Variants in SDC3 observed in about 807,000 individuals in gnomAD.
SDC3 encodes syndecan 3, also known as syndecan-3.
A neutral mutation model predicts 24.4 loss-of-function variants in SDC3; 13 were observed. The observed-to-expected ratio is 0.53, with a 90% CI of 0.35 to 0.85. The LOEUF (loss-of-function observed/expected upper bound fraction) is 0.85, where lower values mean the gene tolerates loss of function less well. Among genes scored for constraint, SDC3 ranks in the 40% least tolerant of loss-of-function variants. SDC3 has a pLI of 0.01. For synonymous variants in SDC3, 295 were observed against 260.9 expected (o/e 1.13, Z -1.26); for missense variants, 571 against 584.5 (o/e 0.98, Z 0.24).
chr1:30,890,778 G>A (rs1014315095), intron 1 of SDC3, among the ~76,000 whole-genome samples: 2 of 152,166 alleles, frequency 1.3e-5, no homozygotes, highest in African/African-American at 4.8e-5. Flanking sequence ...TCCTTATCCT[G>A]ACAACACGCT....
rs1639535670 is a variant in SDC3 at position 30,871,511 on chromosome 1, G to C, written c.*1700C>G. On this transcript the variant is annotated 3_prime_UTR_variant, in exon 5 of 5. Coordinates refer to ENST00000339394, the MANE Select transcript of SDC3 (RefSeq NM_014654.4). Reference sequence around the variant, plus strand: ...TCATCCCTCAAACCCTGACCTCGGGGCCTGAGGGATCTGCAGGGGCTGCTT... The same window carrying C: ...TCATCCCTCAAACCCTGACCTCGGGCCCTGAGGGATCTGCAGGGGCTGCTT... 2.6e-5 allele frequency: 4 copies of C among 152,304 alleles called. No individual in the cohort carries two copies. In the South Asian group the frequency reaches 8.3e-4, roughly 32 times the overall value. The allele number at this position is 152,304 out of a possible 1,614,324, so 9.4% of individuals were successfully genotyped here.
rs1553136793 is a variant in SDC3, at chr1:30,871,853, T to TAGAGGAGCCCCCAGG, written c.*1343_*1357dup. ...GGGGCCAAATTTCCTTCCTCAGCCT[T>TAGAGGAGCCCCCAGG]AGAGGAGCCCCCAGGCTCCCAGCTA... is the stretch of plus-strand genomic sequence containing the variant. On this transcript the variant is annotated 3_prime_UTR_variant, in exon 5 of 5. Coordinates refer to ENST00000339394, the MANE Select transcript of SDC3 (RefSeq NM_014654.4). 2.6e-5 allele frequency: 4 copies of TAGAGGAGCCCCCAGG among 152,230 alleles called. No individual in the cohort carries two copies. Among genetic ancestry groups the TAGAGGAGCCCCCAGG allele is most frequent in the Admixed American group, 1.3e-4 (2 of 15,284 alleles). The allele number at this position is 152,230 out of a possible 1,614,324, so 9.4% of individuals were successfully genotyped here. A position where few individuals can be genotyped will look rare whatever the true frequency, so the allele number is the denominator to read the frequency against.
chr1:30,878,289 C>T, intron 2 of SDC3: 2 of 245,354 alleles, frequency 8.2e-6, no homozygotes, highest in South Asian at 1.4e-4. Context: ...ACTGCCCTAA[C>T]CCCACCATTG....
intron 1 of SDC3, among the ~76,000 whole-genome samples, chr1:30,890,476 C>T (rs1374931131): frequency 6.6e-6 from 1 of 152,136 alleles, no homozygotes; most frequent in East Asian, 1.9e-4. Context: ...TTAGTGACAG[C>T]CTATGCCTGC....
intron 1 of SDC3, among the ~76,000 whole-genome samples, chr1:30,904,527 CT>C (rs1380228461): frequency 1.3e-5 from 2 of 151,990 alleles, no homozygotes; most frequent in Non-Finnish European, 2.9e-5. Context: ...TCCAGCACAG[CT>C]CACCTCGCAC....
At chr1:30,878,594 C>T in intron 2 of SDC3, 29 bp downstream of exon 2, 1 of 1,575,116 alleles carries the variant, frequency 6.3e-7, no homozygotes, top group Non-Finnish European at 8.7e-7. Flanking sequence ...TCACTGCCCC[C>T]AGGCAGAGGT....
rs1216098834 is a variant in SDC3, at chr1:30,871,467, C to T, written c.*1744G>A. 6.6e-6 allele frequency: 1 copy of T among 152,272 alleles called. No homozygotes were observed. The highest frequency in any genetic ancestry group is 1.5e-5 in the Non-Finnish European group (1 of 68,082). The allele number at this position is 152,272 out of a possible 1,614,324, so 9.4% of individuals were successfully genotyped here. A position where few individuals can be genotyped will look rare whatever the true frequency, so the allele number is the denominator to read the frequency against. On this transcript the variant is annotated 3_prime_UTR_variant, in exon 5 of 5. Transcript: ENST00000339394. The stretch of plus-strand genomic sequence containing the variant: ...CTAGGTAACAAAGGAAGTAACCCCT[C>T]CCCCACTATCACCTGGTCTCATCCC...
chr1:30,876,955 G>A lies in SDC3; in HGVS notation c.467C>T (p.Ala156Val), dbSNP rs777993332. The stretch of plus-strand genomic sequence containing the variant: ...AGCCATGGTAGTGGAGACGGTGGTG[G>A]CTCTCTGGCTGGGCTCTTCCGGGAC... ...TEVPEEPSQRATTVSTTMATT... is the reference protein window; with the variant it reads ...TEVPEEPSQRVTTVSTTMATT... Residue 156 changes from alanine to valine, a missense_variant, in exon 3 of 5, where the codon GCC (alanine) becomes GTC (valine). Physicochemically the swap from Ala to Val is moderately conservative, Grantham distance 64. Around this residue, in one of 2 missense-constraint regions of SDC3, gnomAD observed 497 missense variants for 471.6 expected, o/e 1.05. Transcript: ENST00000339394. 1 of 1,613,620 alleles carries A rather than the reference G, an allele frequency of 6.2e-7. No individual in the cohort carries two copies.
At chr1:30,874,671 A>C (rs1639608945) in intron 3 of SDC3, 83 bp from the exon 4 acceptor site, 22 of 1,291,254 alleles carry the variant, frequency 1.7e-5, no homozygotes, top group African/African-American at 2.9e-5. Flanking sequence ...CTGGGGGGCT[A>C]ACACTTAGCA....
chr1:30,893,281 A>C (rs1639932588), intron 1 of SDC3, among the ~76,000 whole-genome samples: 2 of 79,090 alleles, frequency 2.5e-5, no homozygotes, highest in African/African-American at 4.7e-5. Context: ...GCCATGGTCC[A>C]TACCCACCCC....
In SDC3 at chr1:30,870,460, G is replaced by C. The variant is rs1385166167; in HGVS notation, c.*2751C>G. ...AACACTCCATCACAGGCAGGGGTAG[G>C]GGGACATGAGGGCCCTGCACCCACA... On this transcript the variant is annotated 3_prime_UTR_variant, in exon 5 of 5. Coordinates refer to ENST00000339394, the MANE Select transcript of SDC3 (RefSeq NM_014654.4). 2 of 152,834 alleles carry C rather than the reference G, an allele frequency of 1.3e-5. No homozygotes were observed. The highest frequency in any genetic ancestry group is 2.9e-5 in the Non-Finnish European group (2 of 68,532). 9.5% of individuals were successfully genotyped at this position (152,834 alleles called of 1,614,324 possible). A position where few individuals can be genotyped will look rare whatever the true frequency, so the allele number is the denominator to read the frequency against.
intron 1 of SDC3, among the ~76,000 whole-genome samples, chr1:30,907,228 C>G (rs1016326811): frequency 2.6e-5 from 4 of 152,162 alleles, no homozygotes; most frequent in Non-Finnish European, 5.9e-5. Flanking sequence ...ACCTAGAAAT[C>G]CCCAGCCCGC....
intron 1 of SDC3, among the ~76,000 whole-genome samples, chr1:30,892,309 C>A (rs1352855932): frequency 6.6e-6 from 1 of 152,124 alleles, no homozygotes; most frequent in Non-Finnish European, 1.5e-5. Flanking sequence ...CCCTGAGCAT[C>A]CCCAGGCAGG....
intron 1 of SDC3, among the ~76,000 whole-genome samples, chr1:30,899,928 G>A (rs1296900569): frequency 4.6e-5 from 7 of 152,310 alleles, no homozygotes; most frequent in African/African-American, 9.6e-5. Context: ...AGTGAGCAAC[G>A]CAGTCAATCA....
chr1:30,885,222 C>G (rs1023444924), intron 1 of SDC3, among the ~76,000 whole-genome samples: 1 of 152,184 alleles, frequency 6.6e-6, no homozygotes, highest in East Asian at 1.9e-4. Flanking sequence ...CACCCATTAA[C>G]AAATTGCTCA....
chr1:30,876,748 G>A lies in SDC3; in HGVS notation c.674C>T (p.Thr225Ile), dbSNP rs1419031172. Reference sequence around the variant, plus strand: ...GGGCGGGGAGGGCGCCTCGGGGGTAGTGGCCCGTGCCGTAGCCACTGTGGT... The same window carrying A: ...GGGCGGGGAGGGCGCCTCGGGGGTAATGGCCCGTGCCGTAGCCACTGTGGT... ...PLTTVATARA[T>I]TPEAPSPPTT... is the part of the protein sequence containing the mutation. The change falls in exon 3 of 5, where the codon ACT (threonine) becomes ATT (isoleucine). Residue 225 changes from threonine (T) to isoleucine (I), a missense_variant. By Grantham distance (89) the Thr-to-Ile change is moderately conservative. This residue lies in a region of SDC3 where 497 missense variants were observed against 471.6 expected (regional missense o/e 1.05). Coordinates refer to ENST00000339394, the MANE Select transcript of SDC3 (RefSeq NM_014654.4). 11 of 1,589,254 alleles carry A rather than the reference G, an allele frequency of 6.9e-6. No homozygotes were observed. The highest frequency in any genetic ancestry group is 8.6e-6 in the Non-Finnish European group (10 of 1,167,498).
At chr1:30,892,227 AC>A (rs1474018107) in intron 1 of SDC3, among the ~76,000 whole-genome samples, 1 of 151,906 alleles carries the variant, frequency 6.6e-6, no homozygotes, top group Non-Finnish European at 1.5e-5. Context: ...CTCATGTGTC[AC>A]CTGAACGTGG....
Position 30,908,491 on chromosome 1 carries a change from C to T in SDC3, c.96G>A (p.Leu32=), listed in dbSNP as rs1170850298. The part of the protein sequence containing the change: ...AAGPGARGLL[L]PPLLLLLLAG... ...CCAGCAGCAGCAGCAGCAGCGGTGG[C>T]AGGAGCAGCCCGCGGGCCCCGGGCC... The change falls in exon 1 of 5, where the codon CTG becomes CTA. Residue 32 remains leucine (L), a synonymous_variant. Transcript: ENST00000339394. 1 of 1,005,966 alleles carries T rather than the reference C, an allele frequency of 9.9e-7. No homozygotes were observed. The highest frequency in any genetic ancestry group is 1.2e-6 in the Non-Finnish European group (1 of 844,284). 62.3% of individuals were successfully genotyped at this position (1,005,966 alleles called of 1,614,324 possible). A position where few individuals can be genotyped will look rare whatever the true frequency, so the allele number is the denominator to read the frequency against.
At chr1:30,906,338 T>A (rs1374363758) in intron 1 of SDC3, among the ~76,000 whole-genome samples, 2 of 152,026 alleles carry the variant, frequency 1.3e-5, no homozygotes, top group Non-Finnish European at 2.9e-5. Context: ...CACCCACCAT[T>A]TCAGCCTCTG....
Sources: gnomAD v4.1 joint callset for allele counts (sites outside exome capture counted in the v4.1 genomes callset) on GRCh38, gnomAD v4.1.1 for gene constraint, gnomAD v4.1.1 regional missense constraint, MANE v1.5 for transcripts, NCBI Gene and HGNC (gene_info 2026-07-23, HGNC 2026-07-21) for gene names.